CNTNAP2: variants seen among roughly 807,000 people sequenced by gnomAD.
CNTNAP2 encodes the protein contactin-associated protein-like 2.
CNTNAP2 carries 98 observed loss-of-function variants against 155.2 expected under a neutral mutation model. The ratio of observed to expected loss-of-function variants is 0.63; its 90% CI spans 0.54 to 0.75. The LOEUF (loss-of-function observed/expected upper bound fraction) is 0.75, where lower values mean the gene tolerates loss of function less well. CNTNAP2 is among the 30% of genes least tolerant of loss of function. CNTNAP2 has a pLI of 0.00. For synonymous variants in CNTNAP2, 651 were observed against 631.2 expected, an observed-to-expected ratio of 1.03 and a Z score of -0.47; for missense variants, 1,727 against 1,688.1, an observed-to-expected ratio of 1.02 and a Z score of -0.40.
At chr7:148,229,860 T>C (rs1563003798) in intron 20 of CNTNAP2, 81 bp downstream of exon 20, 5 of 1,545,774 alleles carry the variant, frequency 3.2e-6, no homozygotes, top group Middle Eastern at 1.7e-4. Context: ...ATTGGTTTTG[T>C]TTTGAGGGGA....
intron 10 of CNTNAP2, among the ~76,000 whole-genome samples, chr7:147,433,759 T>G (rs1797503258): frequency 6.6e-6 from 1 of 152,198 alleles, no homozygotes; most frequent in Admixed American, 6.5e-5. Flanking sequence ...AGAGCTATGT[T>G]ACTACCTGGA....
intron 8 of CNTNAP2, among the ~76,000 whole-genome samples, chr7:147,202,555 C>A (rs960282347): frequency 5.9e-5 from 9 of 152,002 alleles, no homozygotes; most frequent in Non-Finnish European, 1.2e-4. Context: ...TTAGGAGAGG[C>A]CCCAAGAATG....
chr7:147,269,889 A>T (rs1343108611), intron 8 of CNTNAP2, among the ~76,000 whole-genome samples: 1 of 152,034 alleles, frequency 6.6e-6, no homozygotes, highest in Admixed American at 6.6e-5. Flanking sequence ...CACTGTCTCT[A>T]AAAAATATTT....
At chr7:146,483,295 A>ATG (rs1584945911) in intron 1 of CNTNAP2, among the ~76,000 whole-genome samples, 1 of 62,224 alleles carries the variant, frequency 1.6e-5, no homozygotes, top group East Asian at 3.7e-4. Context: ...ATATATATAT[A>ATG]TATATATATA....
intron 11 of CNTNAP2, among the ~76,000 whole-genome samples, chr7:147,529,073 A>C (rs946203094): frequency 6.6e-6 from 1 of 152,220 alleles, no homozygotes; most frequent in African/African-American, 2.4e-5. Context: ...ATCAAATGGC[A>C]CAGAAAATAT....
intron 3 of CNTNAP2, among the ~76,000 whole-genome samples, chr7:146,962,446 G>A (rs1173870941): frequency 5.9e-5 from 9 of 152,196 alleles, no homozygotes; most frequent in Admixed American, 5.9e-4. Flanking sequence ...TATCAGTAAG[G>A]GAGTAAGGGA....
intron 1 of CNTNAP2, among the ~76,000 whole-genome samples, chr7:146,528,761 C>CAT (rs1797726635): frequency 6.6e-6 from 1 of 151,912 alleles, no homozygotes; most frequent in Non-Finnish European, 1.5e-5. Context: ...CACATTGTTT[C>CAT]ATAAGAACAT....
intron 4 of CNTNAP2, among the ~76,000 whole-genome samples, chr7:147,074,922 A>C (rs956844277): frequency 1.3e-5 from 2 of 152,084 alleles, no homozygotes; most frequent in African/African-American, 2.4e-5. Context: ...CATTTTTTTT[A>C]ATTAGACAAT....
At chr7:148,143,773 T>C (rs1431339978) in intron 16 of CNTNAP2, among the ~76,000 whole-genome samples, 1 of 152,126 alleles carries the variant, frequency 6.6e-6, no homozygotes, top group Non-Finnish European at 1.5e-5. Flanking sequence ...TCTCTGACAT[T>C]TGTGAGGCAG....
At chr7:147,428,461 ACAATT>A (rs1449367454) in intron 10 of CNTNAP2, among the ~76,000 whole-genome samples, 4 of 152,266 alleles carry the variant, frequency 2.6e-5, no homozygotes, top group South Asian at 2.1e-4. Flanking sequence ...AATTGGCAAT[ACAATT>A]AGCGTTACAT....
At chr7:146,797,549 T>A (rs1009714812) in intron 2 of CNTNAP2, among the ~76,000 whole-genome samples, 6 of 152,226 alleles carry the variant, frequency 3.9e-5, no homozygotes, top group Admixed American at 6.5e-5. Flanking sequence ...AGACCACTAA[T>A]AGCTGTTTCA....
At chr7:146,233,392 T>A (rs958610679) in intron 1 of CNTNAP2, among the ~76,000 whole-genome samples, 5 of 152,240 alleles carry the variant, frequency 3.3e-5, no homozygotes, top group Admixed American at 1.3e-4. Context: ...GAACAGCCTT[T>A]GCCATGCTAA....
intron 13 of CNTNAP2, among the ~76,000 whole-genome samples, chr7:147,735,224 T>C (rs1409858447): frequency 2.0e-5 from 3 of 152,206 alleles, no homozygotes; most frequent in African/African-American, 2.4e-5. Context: ...ATGTTGTGTC[T>C]TCATTCTCAT....
At chr7:148,037,284 A>C (rs577927907) in intron 15 of CNTNAP2, among the ~76,000 whole-genome samples, 1 of 152,296 alleles carries the variant, frequency 6.6e-6, no homozygotes, top group African/African-American at 2.4e-5. Flanking sequence ...CCAAAATGGC[A>C]ATCTTCATGT....
chr7:147,167,105 T>C (rs577827310), intron 8 of CNTNAP2, among the ~76,000 whole-genome samples: 1 of 152,254 alleles, frequency 6.6e-6, no homozygotes, highest in South Asian at 2.1e-4. Flanking sequence ...TTCTCAACCA[T>C]GCTCATCCAT....
chr7:148,402,003 A>G (rs1306393748), intron 22 of CNTNAP2, among the ~76,000 whole-genome samples: 4 of 152,210 alleles, frequency 2.6e-5, no homozygotes, highest in African/African-American at 9.6e-5. Context: ...CTGAAAGGCA[A>G]TTGAGACAAT....
intron 15 of CNTNAP2, among the ~76,000 whole-genome samples, chr7:148,087,881 T>G (rs1803763700): frequency 6.6e-6 from 1 of 152,162 alleles, no homozygotes; most frequent in Non-Finnish European, 1.5e-5. Flanking sequence ...TTTAATGTCA[T>G]AAGCTCACAG....
At chr7:146,642,811 C>G (rs1386132610) in intron 1 of CNTNAP2, among the ~76,000 whole-genome samples, 1 of 151,716 alleles carries the variant, frequency 6.6e-6, no homozygotes, top group Non-Finnish European at 1.5e-5. Context: ...CACATCCTCT[C>G]CAGCACCTGT....
chr7:147,760,762 C>T (rs1157437653), intron 13 of CNTNAP2, among the ~76,000 whole-genome samples: 7 of 152,148 alleles, frequency 4.6e-5, no homozygotes, highest in East Asian at 1.9e-4. Context: ...GCCATTAAAC[C>T]TTGTGCTCTG....
Sources: allele counts gnomAD v4.1 joint callset (sites outside exome capture counted in the v4.1 genomes callset), GRCh38; gene constraint gnomAD v4.1.1; transcripts MANE v1.5; gene names NCBI Gene and HGNC (gene_info 2026-07-23, HGNC 2026-07-21).